ZNF419: variants seen among roughly 807,000 people sequenced by gnomAD.
ZNF419 encodes zinc finger protein 419A.
In ZNF419, 8 loss-of-function variants were observed where a neutral mutation model predicts 14.9. That is an observed-to-expected ratio of 0.54 (90% CI 0.32 to 0.97). The LOEUF is 0.97. Ranked by LOEUF, ZNF419 falls within the 50% of genes least tolerant of loss-of-function variation. The probability of loss-of-function intolerance (pLI) is 0.04; values close to 1 mark genes in which losing one functional copy is unlikely to be tolerated. For synonymous variants in ZNF419, 211 were observed against 205.3 expected (o/e 1.03, Z -0.24); for missense variants, 595 against 607.2 (o/e 0.98, Z 0.21).
chr19:57,487,815 G>C lies in ZNF419; in HGVS notation c.-136G>C. ...AGCTGGTTGTGCGCTGAGGCGACCA[G>C]CGCCGGAAGGCACGGTGGCGACTCA... is the stretch of plus-strand genomic sequence containing the variant. On this transcript the variant is annotated 5_prime_UTR_variant, in exon 1 of 5. Transcript: ENST00000221735. 7.6e-7 allele frequency: 1 copy of C among 1,321,034 alleles called. No homozygotes were observed. Among genetic ancestry groups the C allele is most frequent in the Non-Finnish European group, 1.1e-6 (1 of 925,810 alleles). The allele number at this position is 1,321,034 out of a possible 1,614,324, so 81.8% of individuals were successfully genotyped here.
chr19:57,491,450 C>T (rs1210792765), intron 2 of ZNF419, 21 bp from the exon 3 acceptor site: 2 of 1,611,894 alleles, frequency 1.2e-6, no homozygotes, highest in Non-Finnish European at 8.5e-7. Context: ...CAGATAAACT[C>T]TACTCTGTCC....
intron 2 of ZNF419, chr19:57,491,071 T>C: frequency 4.9e-6 from 1 of 203,900 alleles, no homozygotes; most frequent in Non-Finnish European, 1.0e-5. Context: ...CATGAGGTGA[T>C]GTAGAGGGTA....
rs754316950 is a variant in ZNF419 at position 57,492,865 on chromosome 19, A to G, written c.308A>G (p.His103Arg). 1.7e-5 allele frequency: 28 copies of G among 1,613,496 alleles called. No homozygotes were observed. Among genetic ancestry groups the G allele is most frequent in the Non-Finnish European group, 2.3e-5 (27 of 1,179,612 alleles). The change falls in exon 5 of 5, where the codon CAT becomes CGT. Residue 103 changes from histidine to arginine, a missense_variant. By Grantham distance (29) the His-to-Arg change is conservative. Transcript: ENST00000221735. ...VTSAIPRGCW[H>R]GAEAEEAPEQ... ...ATTTATCTTCTGTCAGGTTGTTGGC[A>G]TGGAGCCGAGGCTGAGGAGGCTCCT...
chr19:57,490,147 G>T lies in ZNF419; in HGVS notation c.34G>T (p.Val12Phe). 6.2e-7 allele frequency: 1 copy of T among 1,613,460 alleles called. No individual in the cohort carries two copies. Among genetic ancestry groups the T allele is most frequent in the Non-Finnish European group, 8.5e-7 (1 of 1,179,736 alleles). ...AAAALRDPAQVPVAADLLTDH... is the reference protein window; with the variant it reads ...AAAALRDPAQFPVAADLLTDH... ...TTCTCATAGTCTTGATTTTCCATAG[G>T]TTCCTGTGGCTGCAGACTTGCTTAC... The change falls in exon 2 of 5, where the codon GTT becomes TTT. Residue 12 changes from valine to phenylalanine, a missense_variant and splice_region_variant. Coordinates refer to ENST00000221735, the MANE Select transcript of ZNF419 (RefSeq NM_024691.4).
At position 57,487,896 on chromosome 19, in the gene ZNF419, G is replaced by T. The variant is rs143577485; in HGVS notation, c.-55G>T. The stretch of plus-strand genomic sequence containing the variant: ...AGGCTCGGTGGCGGCGCCCAGGGTG[G>T]CCCGGGCCCTTTCCTCGGTCATTGT... On this transcript the variant is annotated 5_prime_UTR_variant, in exon 1 of 5. Transcript: ENST00000221735. 3,685 of 1,612,618 alleles carry T rather than the reference G, an allele frequency of 2.3e-3. 67 individuals are homozygous for T. The African/African-American group carries it at 0.039, about 17-fold the overall frequency.
rs532907966 is a variant in ZNF419, at chr19:57,495,725, C to CAAAA, written c.*1676_*1679dup. 8 of 49,190 alleles carry CAAAA rather than the reference C, an allele frequency of 1.6e-4. No individual in the cohort carries two copies. The highest frequency in any genetic ancestry group is 7.2e-4 in the Admixed American group (2 of 2,782). 3.0% of individuals were successfully genotyped at this position (49,190 alleles called of 1,614,324 possible). The stretch of plus-strand genomic sequence containing the variant: ...TGGGGCACAAAGCCAGACTCTGTCT[C>CAAAA]AAAAAAAAAAAAAAAAAAAAAAAAA... On this transcript the variant is annotated 3_prime_UTR_variant, in exon 5 of 5. Coordinates refer to ENST00000221735, the MANE Select transcript of ZNF419 (RefSeq NM_024691.4).
At position 57,493,842 on chromosome 19, in the gene ZNF419, T is replaced by C. The variant is rs191165657; in HGVS notation, c.1285T>C (p.Cys429Arg). ...TCACACTGGAGCAAAGCCTTATGAG[T>C]GCAGGGAATGTGGGAAATTTTTTAG... ...RVHTGAKPYE[C>R]RECGKFFSQS... is the part of the protein sequence containing the mutation. Residue 429 changes from cysteine (C) to arginine (R), a missense_variant, in exon 5 of 5, where the codon TGC becomes CGC. Physicochemically the swap from Cys to Arg is radical, Grantham distance 180. Transcript: ENST00000221735. The C allele has an allele frequency of 5.6e-6, 9 of 1,613,980 alleles. No individual in the cohort carries two copies. The highest frequency in any genetic ancestry group is 2.7e-5 in the African/African-American group (2 of 75,030).
chr19:57,492,320 A>G (rs779539679), intron 4 of ZNF419, 109 bp downstream of exon 4: 13 of 1,253,832 alleles, frequency 1.0e-5, no homozygotes, highest in African/African-American at 1.5e-5. Flanking sequence ...GCTGATTTCT[A>G]TCTTTTCTTC....
At chr19:57,489,484 C>CTTTTTTTTT (rs10602834) in intron 1 of ZNF419, 1 of 85,416 alleles carries the variant, frequency 1.2e-5, no homozygotes, top group Non-Finnish European at 2.3e-5. Context: ...TTCTTTCTTT[C>CTTTTTTTTT]TTTTTTTTTT....
Position 57,491,553 on chromosome 19 carries a change from A to C in ZNF419, c.155A>C (p.Tyr52Ser), listed in dbSNP as rs376959722. 1.1e-5 allele frequency: 17 copies of C among 1,613,856 alleles called. No homozygotes were observed. The highest frequency in any genetic ancestry group is 1.3e-5 in the Non-Finnish European group (15 of 1,179,970). Residue 52 changes from tyrosine to serine, a missense_variant, in exon 3 of 5, where the codon TAC becomes TCC. Coordinates refer to ENST00000221735, the MANE Select transcript of ZNF419 (RefSeq NM_024691.4). Reference protein sequence around the residue: ...RLLDDAQRLLYRNVMLENFTL... With the variant: ...RLLDDAQRLLSRNVMLENFTL... ...CTTGATGACGCTCAGAGGCTCCTCTACCGCAATGTGATGCTGGAGAACTTT... is the reference window on the plus strand; with the variant it reads ...CTTGATGACGCTCAGAGGCTCCTCTCCCGCAATGTGATGCTGGAGAACTTT...
rs2089446385 is a variant in ZNF419 at position 57,489,991 on chromosome 19, C to T, written c.34-156C>T. 2.3e-5 allele frequency: 15 copies of T among 648,008 alleles called. No homozygotes were observed. In the South Asian group the frequency reaches 2.7e-4, roughly 11 times the overall value. 40.1% of individuals were successfully genotyped at this position (648,008 alleles called of 1,614,324 possible). ...CACCAAGGCACAGGGAAGTTGAGCA[C>T]TTTTCCAAGGGCACACAACAGGTAA... On this transcript the variant is annotated intron_variant, in intron 1 of 4. Transcript: ENST00000221735.
rs2089587970 is a variant in ZNF419, at chr19:57,494,696, G to T, written c.*606G>T. 5.7e-6 allele frequency: 1 copy of T among 176,654 alleles called. No individual in the cohort carries two copies. Among genetic ancestry groups the T allele is most frequent in the Non-Finnish European group, 1.2e-5 (1 of 84,866 alleles). The allele number at this position is 176,654 out of a possible 1,614,324, so 10.9% of individuals were successfully genotyped here. A position where few individuals can be genotyped will look rare whatever the true frequency, so the allele number is the denominator to read the frequency against. ...TATGACCATTTCCAGAGACTGAATT[G>T]TGTTTTTATAATTTTCACCCTTTTG... On this transcript the variant is annotated 3_prime_UTR_variant, in exon 5 of 5. Coordinates refer to ENST00000221735, the MANE Select transcript of ZNF419 (RefSeq NM_024691.4).
rs1420725477 is a variant in ZNF419, at chr19:57,495,558, C to G, written c.*1468C>G. Reference sequence around the variant, plus strand: ...TGGCTAACACAGTGAAACTCCCTCTCAACTAAAAATACAAAAAATTAGCTG... The same window carrying G: ...TGGCTAACACAGTGAAACTCCCTCTGAACTAAAAATACAAAAAATTAGCTG... On this transcript the variant is annotated 3_prime_UTR_variant, in exon 5 of 5. Coordinates refer to ENST00000221735, the MANE Select transcript of ZNF419 (RefSeq NM_024691.4). The G allele has an allele frequency of 6.6e-6, 1 of 151,794 alleles. No homozygotes were observed. Among genetic ancestry groups the G allele is most frequent in the East Asian group, 1.9e-4 (1 of 5,160 alleles). The allele number at this position is 151,794 out of a possible 1,614,324, so 9.4% of individuals were successfully genotyped here.
chr19:57,492,388 C>A (rs1251499257), intron 4 of ZNF419, 177 bp downstream of exon 4: 2 of 823,374 alleles, frequency 2.4e-6, no homozygotes, highest in Non-Finnish European at 4.3e-6. Context: ...CCCCACCTCT[C>A]TGTCCTCCAT....
Position 57,487,766 on chromosome 19 carries a change from A to G in ZNF419, c.-185A>G. ...GTCTCGTTTGGTATTCACTTTCGCG[A>G]CTCAGGTGAACTAACCTGCGAGAAG... On this transcript the variant is annotated 5_prime_UTR_variant, in exon 1 of 5. Coordinates refer to ENST00000221735, the MANE Select transcript of ZNF419 (RefSeq NM_024691.4). The G allele has an allele frequency of 1.3e-6, 1 of 758,536 alleles. No individual in the cohort carries two copies. The highest frequency in any genetic ancestry group is 2.2e-6 in the Non-Finnish European group (1 of 461,606). 47.0% of individuals were successfully genotyped at this position (758,536 alleles called of 1,614,324 possible). A position where few individuals can be genotyped will look rare whatever the true frequency, so the allele number is the denominator to read the frequency against.
Position 57,488,355 on chromosome 19 carries a change from C to T in ZNF419, c.33+372C>T, listed in dbSNP as rs1362161081. The T allele has an allele frequency of 7.2e-5, 22 of 305,750 alleles. No homozygotes were observed. In the East Asian group the frequency reaches 1.1e-3, roughly 16 times the overall value. 18.9% of individuals were successfully genotyped at this position (305,750 alleles called of 1,614,324 possible). A position where few individuals can be genotyped will look rare whatever the true frequency, so the allele number is the denominator to read the frequency against. On this transcript the variant is annotated intron_variant, in intron 1 of 4. Coordinates refer to ENST00000221735, the MANE Select transcript of ZNF419 (RefSeq NM_024691.4). ...TTGCCAAAGGCCCTTCAAGTCAAAA[C>T]AGACTGGGGTGGGGGTGAGGCGGGT...
Position 57,493,694 on chromosome 19 carries a change from T to A in ZNF419, c.1137T>A (p.Phe379Leu). 1.2e-6 allele frequency: 2 copies of A among 1,612,924 alleles called. No homozygotes were observed. Among genetic ancestry groups the A allele is most frequent in the African/African-American group, 1.3e-5 (1 of 74,634 alleles). Residue 379 changes from phenylalanine (F) to leucine (L), a missense_variant, in exon 5 of 5, where the codon TTT (phenylalanine) becomes TTA (leucine). Physicochemically the swap from Phe to Leu is conservative, Grantham distance 22 (BLOSUM62 0). Transcript: ENST00000221735. ...ACAAGTGCAGCGACTGTGGGAAATT[T>A]TTTACCCAATGCTCAAGCCTCATGC... ...RPYKCSDCGK[F>L]FTQCSSLMQH...
At position 57,487,757 on chromosome 19, in the gene ZNF419, A is replaced by G. The variant is rs2089386148; in HGVS notation, c.-194A>G. 5.7e-6 allele frequency: 4 copies of G among 707,908 alleles called. No homozygotes were observed. The highest frequency in any genetic ancestry group is 5.6e-5 in the Admixed American group (2 of 35,868). 43.9% of individuals were successfully genotyped at this position (707,908 alleles called of 1,614,324 possible). On this transcript the variant is annotated 5_prime_UTR_variant, in exon 1 of 5. Coordinates refer to ENST00000221735, the MANE Select transcript of ZNF419 (RefSeq NM_024691.4). ...ACTTCCGGCGTCTCGTTTGGTATTC[A>G]CTTTCGCGACTCAGGTGAACTAACC...
rs1000836462 is a variant in ZNF419, at chr19:57,493,464, G to C, written c.907G>C (p.Val303Leu). 6.2e-7 allele frequency: 1 copy of C among 1,613,916 alleles called. No homozygotes were observed. Among genetic ancestry groups the C allele is most frequent in the African/African-American group, 1.3e-5 (1 of 74,950 alleles). Residue 303 changes from valine to leucine, a missense_variant, in exon 5 of 5, where the codon GTT becomes CTT. By Grantham distance (32) the Val-to-Leu change is conservative. Coordinates refer to ENST00000221735, the MANE Select transcript of ZNF419 (RefSeq NM_024691.4). ...GKAFRHNSTL[V>L]QHHKIHTGVR... ...AGCTTTCAGGCATAATTCCACACTTGTTCAGCATCACAAAATCCACACTGG... is the reference window on the plus strand; with the variant it reads ...AGCTTTCAGGCATAATTCCACACTTCTTCAGCATCACAAAATCCACACTGG...
Sources: gnomAD v4.1 joint callset for allele counts on GRCh38, gnomAD v4.1.1 for gene constraint, MANE v1.5 for transcripts, NCBI Gene and HGNC (gene_info 2026-07-23, HGNC 2026-07-21) for gene names.